CCDC122: variants seen among roughly 807,000 people sequenced by gnomAD.
CCDC122 encodes coiled-coil domain containing 122.
Under a neutral mutation model 37.0 loss-of-function variants are expected in CCDC122, and 38 were observed. The ratio of observed to expected loss-of-function variants is 1.03; its 90% confidence interval spans 0.79 to 1.35. The LOEUF (loss-of-function observed/expected upper bound fraction) is 1.35. Ranked by LOEUF, CCDC122 falls within the 40% of genes most tolerant of loss-of-function variation. CCDC122 has a pLI of 0.00. For synonymous variants in CCDC122, 83 were observed against 95.6 expected, an observed-to-expected ratio of 0.87 and a Z score of 0.77; for missense variants, 305 against 310.0, an observed-to-expected ratio of 0.98 and a Z score of 0.12.
chr13:43,850,376 G>A (rs970757522), intron 6 of CCDC122, among the ~76,000 whole-genome samples: 2 of 152,076 alleles, frequency 1.3e-5, no homozygotes, highest in African/African-American at 4.8e-5. Context: ...AAAATTATCT[G>A]ACAAGCATTT....
chr13:43,868,949 G>T, intron 3 of CCDC122, 146 bp from the exon 4 acceptor site: 1 of 535,548 alleles, frequency 1.9e-6, no homozygotes, highest in Non-Finnish European at 3.1e-6. Flanking sequence ...TTCCCTTGCT[G>T]ATATAAACAA....
intron 6 of CCDC122, among the ~76,000 whole-genome samples, chr13:43,852,477 T>C (rs901375038): frequency 1.3e-5 from 2 of 152,148 alleles, no homozygotes; most frequent in East Asian, 1.9e-4. Context: ...CTGAGAAATA[T>C]TGAATTATGT....
intron 2 of CCDC122, among the ~76,000 whole-genome samples, chr13:43,872,800 C>T (rs1040763670): frequency 5.3e-5 from 8 of 152,132 alleles, no homozygotes; most frequent in Non-Finnish European, 8.8e-5. Context: ...AAATCAACAA[C>T]CACTACCACC....
intron 3 of CCDC122, among the ~76,000 whole-genome samples, chr13:43,825,464 T>C (rs1435017343): frequency 1.3e-5 from 2 of 149,218 alleles, no homozygotes; most frequent in African/African-American, 4.9e-5. Flanking sequence ...AGATAGAGAT[T>C]GGGGACTCTA....
At chr13:43,862,258 T>C (rs1321949161) in intron 4 of CCDC122, among the ~76,000 whole-genome samples, 1 of 152,218 alleles carries the variant, frequency 6.6e-6, no homozygotes, top group Non-Finnish European at 1.5e-5. Flanking sequence ...CTCTCCCTTT[T>C]TCCAGTCTCC....
intron 3 of CCDC122, among the ~76,000 whole-genome samples, chr13:43,830,908 A>C (rs1039188616): frequency 5.3e-5 from 8 of 152,176 alleles, no homozygotes; most frequent in Admixed American, 3.9e-4. Context: ...TTTTATTAAA[A>C]GAGATGAAAG....
chr13:43,854,315 A>G (rs1233618910), intron 6 of CCDC122: 1 of 152,192 alleles, frequency 6.6e-6, no homozygotes, highest in African/African-American at 2.4e-5. Context: ...CCCCACAGAA[A>G]TACAAATAAC....
At chr13:43,839,854 T>C (rs1340059008) in intron 6 of CCDC122, among the ~76,000 whole-genome samples, 1 of 152,176 alleles carries the variant, frequency 6.6e-6, no homozygotes, top group Non-Finnish European at 1.5e-5. Context: ...CAATGAATGA[T>C]TCGCAAACTG....
chr13:43,825,035 T>A (rs1953026597), intron 3 of CCDC122, among the ~76,000 whole-genome samples: 1 of 152,230 alleles, frequency 6.6e-6, no homozygotes, highest in Admixed American at 6.5e-5. Flanking sequence ...AACCCAGCAG[T>A]CCCATTACTG....
At chr13:43,832,457 T>C (rs1953098746), downstream of CCDC122, among the ~76,000 whole-genome samples, 1 of 152,070 alleles carries the variant, frequency 6.6e-6, no homozygotes, top group Non-Finnish European at 1.5e-5. Context: ...CACAGAAATT[T>C]AGAGTTTTAA....
At position 43,858,907 on chromosome 13, in the gene CCDC122, GACA is replaced by G. The variant is rs750108276; in HGVS notation, c.556-13_556-11del. On this transcript the variant is annotated splice_polypyrimidine_tract_variant and intron_variant, in intron 5 of 6. Transcript: ENST00000444614. ...AGTTTGTAATGTCTTCCTGTATGTT[GACA>G]ACATTTGAAATATAGAAGTCAAAAA... 3.0e-5 allele frequency: 41 copies of G among 1,373,484 alleles called. No individual in the cohort carries two copies. The highest frequency in any genetic ancestry group is 1.1e-4 in the Admixed American group (4 of 37,090). The allele number at this position is 1,373,484 out of a possible 1,614,324, so 85.1% of individuals were successfully genotyped here.
Position 43,858,878 on chromosome 13 carries a change from T to G in CCDC122, c.575A>C (p.Lys192Thr). The G allele has an allele frequency of 7.1e-7, 1 of 1,403,622 alleles. No homozygotes were observed. The highest frequency in any genetic ancestry group is 9.6e-7 in the Non-Finnish European group (1 of 1,045,880). 86.9% of individuals were successfully genotyped at this position (1,403,622 alleles called of 1,614,324 possible). A position where few individuals can be genotyped will look rare whatever the true frequency, so the allele number is the denominator to read the frequency against. The change falls in exon 6 of 7, where the codon AAG (lysine) becomes ACG (threonine). Residue 192 changes from lysine to threonine, a missense_variant. Transcript: ENST00000444614. Reference protein sequence around the residue: ...TQVQEDITNLKDKIITVKESI... With the variant: ...TQVQEDITNLTDKIITVKESI... Reference sequence around the variant, plus strand: ...TTCTTTTACAGTTATAATTTTATCCTTTAAGTTTGTAATGTCTTCCTGTAT... The same window carrying G: ...TTCTTTTACAGTTATAATTTTATCCGTTAAGTTTGTAATGTCTTCCTGTAT...
chr13:43,828,729 T>C (rs1953062764), intron 3 of CCDC122, among the ~76,000 whole-genome samples: 1 of 152,102 alleles, frequency 6.6e-6, no homozygotes, highest in Non-Finnish European at 1.5e-5. Flanking sequence ...CAGTTTCCTG[T>C]TTGGGGCTCT....
chr13:43,873,295 T>C (rs1954503841), intron 2 of CCDC122, among the ~76,000 whole-genome samples: 1 of 152,204 alleles, frequency 6.6e-6, no homozygotes, highest in African/African-American at 2.4e-5. Context: ...ACTCATTGCC[T>C]ACCTGATAAC....
At chr13:43,824,824 A>C (rs1158077876) in intron 3 of CCDC122, among the ~76,000 whole-genome samples, 2 of 152,236 alleles carry the variant, frequency 1.3e-5, no homozygotes, top group Non-Finnish European at 2.9e-5. Context: ...TCATCAGAGA[A>C]ATGCAAATCA....
downstream of CCDC122, among the ~76,000 whole-genome samples, chr13:43,834,889 G>A (rs1172616580): frequency 2.0e-5 from 3 of 152,106 alleles, no homozygotes; most frequent in Admixed American, 6.5e-5. Flanking sequence ...AACCATTGTG[G>A]AAGTCAGTGT....
In CCDC122 at chr13:43,869,326, A is replaced by G. The variant is rs773464221; in HGVS notation, c.46+5T>C. The G allele has an allele frequency of 3.1e-6, 5 of 1,597,464 alleles. No homozygotes were observed. Among genetic ancestry groups the G allele is most frequent in the South Asian group, 1.1e-5 (1 of 90,096 alleles). ...ATTATTTATTTCTTAAGACTGTTTC[A>G]TTACCTTCTTTAGGAAATCCTTGAC... On this transcript the variant is annotated splice_donor_5th_base_variant and intron_variant, in intron 3 of 6. Coordinates refer to ENST00000444614, the MANE Select transcript of CCDC122 (RefSeq NM_144974.5).
intron 6 of CCDC122, chr13:43,849,040 T>G: frequency 1.1e-6 from 1 of 946,774 alleles, no homozygotes; most frequent in African/African-American, 1.8e-5. Flanking sequence ...TGTAACGTTT[T>G]AAGAAAATGG....
chr13:43,870,839 G>A (rs1954424250), intron 2 of CCDC122, among the ~76,000 whole-genome samples: 2 of 152,024 alleles, frequency 1.3e-5, no homozygotes, highest in African/African-American at 4.8e-5. Flanking sequence ...GCTAGACTAT[G>A]ATAGACTACC....
Sources: gnomAD v4.1 joint callset for allele counts (sites outside exome capture counted in the v4.1 genomes callset) on GRCh38, gnomAD v4.1.1 for gene constraint, MANE v1.5 for transcripts, NCBI Gene and HGNC (gene_info 2026-07-23, HGNC 2026-07-21) for gene names.